The following TTC21B variants were observed in gnomAD, a reference collection of about 807,000 sequenced individuals.
TTC21B encodes tetratricopeptide repeat protein 21B.
A neutral mutation model predicts 175.1 loss-of-function variants in TTC21B; 127 were observed. The ratio of observed to expected loss-of-function variants is 0.73; its 90% CI spans 0.63 to 0.84. The LOEUF (loss-of-function observed/expected upper bound fraction) is 0.84, where lower values mean the gene tolerates loss of function less well. TTC21B is among the 40% of genes least tolerant of loss of function. TTC21B has a pLI of 0.00. For synonymous variants in TTC21B, 524 were observed against 524.5 expected, an observed-to-expected ratio of 1.00 and a Z score of 0.01; for missense variants, 1,561 against 1,558.3, an observed-to-expected ratio of 1.00 and a Z score of -0.03.
At position 165,931,969 on chromosome 2, in the gene TTC21B, C is replaced by T; in HGVS notation, c.796-113G>A. On this transcript the variant is annotated intron_variant, in intron 7 of 28. Coordinates refer to ENST00000243344, the MANE Select transcript of TTC21B (RefSeq NM_024753.5). Reference sequence around the variant, plus strand: ...CTACTAGTATTTTAAAAGACCTTTGCTTTTATAAATTCCTCCTCCTTCAAT... The same window carrying T: ...CTACTAGTATTTTAAAAGACCTTTGTTTTTATAAATTCCTCCTCCTTCAAT... 4.1e-6 allele frequency: 3 copies of T among 732,880 alleles called. No homozygotes were observed. The Admixed American group carries it at 6.5e-5, about 16-fold the overall frequency. The allele number at this position is 732,880 out of a possible 1,614,324, so 45.4% of individuals were successfully genotyped here. A position where few individuals can be genotyped will look rare whatever the true frequency, so the allele number is the denominator to read the frequency against.
intron 17 of TTC21B, 143 bp downstream of exon 17, chr2:165,912,371 C>A (rs937917377): frequency 8.3e-6 from 6 of 718,780 alleles, no homozygotes; most frequent in African/African-American, 3.5e-5. Flanking sequence ...TCTAAGAAGG[C>A]CTTTAACACA....
chr2:165,888,343 G>A lies in TTC21B; in HGVS notation c.3395C>T (p.Ala1132Val). Residue 1132 changes from alanine to valine, a missense_variant, in exon 25 of 29, where the codon GCT (alanine) becomes GTT (valine). Coordinates refer to ENST00000243344, the MANE Select transcript of TTC21B (RefSeq NM_024753.5). Reference sequence around the variant, plus strand: ...TTCAACATTAGATTTCTGTTTGGTAGCCATTAAGCAATAGTTTTCCATTAT... The same window carrying A: ...TTCAACATTAGATTTCTGTTTGGTAACCATTAAGCAATAGTTTTCCATTAT... ...LRIMENYCLM[A>V]TKQKSNVEQA... 6.2e-7 allele frequency: 1 copy of A among 1,613,824 alleles called. No homozygotes were observed. Among genetic ancestry groups the A allele is most frequent in the Non-Finnish European group, 8.5e-7 (1 of 1,179,802 alleles).
chr2:165,928,023 G>T (rs917260266), intron 11 of TTC21B, among the ~76,000 whole-genome samples: 1 of 152,182 alleles, frequency 6.6e-6, no homozygotes, highest in African/African-American at 2.4e-5. Context: ...TGTAATAAGA[G>T]TGCTGACTAA....
chr2:165,884,030 C>CA lies in TTC21B; in HGVS notation c.3460-13dup. ...GGGATATGCTCCTTCTATAAGAAAA[C>CA]AAAATTTTAGACCATAAGATGCATA... On this transcript the variant is annotated splice_polypyrimidine_tract_variant and intron_variant, in intron 25 of 28. Coordinates refer to ENST00000243344, the MANE Select transcript of TTC21B (RefSeq NM_024753.5). 1 of 1,611,354 alleles carries CA rather than the reference C, an allele frequency of 6.2e-7. No homozygotes were observed. Among genetic ancestry groups the CA allele is most frequent in the South Asian group, 1.1e-5 (1 of 90,976 alleles).
chr2:165,898,587 A>T (rs1212153503), intron 22 of TTC21B, 99 bp downstream of exon 22: 1 of 795,188 alleles, frequency 1.3e-6, no homozygotes, highest in East Asian at 2.5e-5. Context: ...TGATTCAACT[A>T]GGGACGGAGT....
chr2:165,949,129 A>G, intron 3 of TTC21B: 1 of 450,660 alleles, frequency 2.2e-6, no homozygotes, highest in South Asian at 2.5e-5. Flanking sequence ...ACAATTACTA[A>G]TATACATTCC....
In TTC21B at chr2:165,888,344, C is replaced by T; in HGVS notation, c.3394G>A (p.Ala1132Thr). 1 of 1,613,866 alleles carries T rather than the reference C, an allele frequency of 6.2e-7. No individual in the cohort carries two copies. Among genetic ancestry groups the T allele is most frequent in the East Asian group, 2.2e-5 (1 of 44,820 alleles). The change falls in exon 25 of 29, where the codon GCT becomes ACT. Residue 1132 changes from alanine (A) to threonine (T), a missense_variant. Ala to Thr is a moderately conservative substitution (Grantham distance 58). Transcript: ENST00000243344. ...LRIMENYCLM[A>T]TKQKSNVEQA... ...TCAACATTAGATTTCTGTTTGGTAG[C>T]CATTAAGCAATAGTTTTCCATTATG... is the stretch of plus-strand genomic sequence containing the variant.
rs143906364 is a variant in TTC21B at position 165,876,654 on chromosome 2, T to C, written c.3806-422A>G. Reference sequence around the variant, plus strand: ...GATGCCTACAGTTATGAGGTTTGCATTCTATTAGGAGAAAAAGTACATTTT... The same window carrying C: ...GATGCCTACAGTTATGAGGTTTGCACTCTATTAGGAGAAAAAGTACATTTT... On this transcript the variant is annotated intron_variant, in intron 27 of 28. Coordinates refer to ENST00000243344, the MANE Select transcript of TTC21B (RefSeq NM_024753.5). Among the ~76,000 whole-genome samples the C allele has an allele frequency of 7.4e-3, 1,128 of 152,354 alleles. 10 individuals are homozygous for C. Among genetic ancestry groups the C allele is most frequent in the Admixed American group, 0.011 (172 of 15,304 alleles).
At chr2:165,897,185 T>A (rs1685396854) in intron 22 of TTC21B, among the ~76,000 whole-genome samples, 1 of 152,192 alleles carries the variant, frequency 6.6e-6, no homozygotes, top group Non-Finnish European at 1.5e-5. Context: ...TAGCCTAGAA[T>A]TTTCAGGGGT....
intron 28 of TTC21B, among the ~76,000 whole-genome samples, chr2:165,875,814 CTTT>C (rs398060734): frequency 1.0e-3 from 145 of 144,460 alleles, no homozygotes; most frequent in African/African-American, 3.5e-3. Context: ...TGGTCTTTGT[CTTT>C]TTTTTTTTTT....
At position 165,945,539 on chromosome 2, in the gene TTC21B, T is replaced by A. The variant is rs1391461946; in HGVS notation, c.414A>T (p.Ser138=). The A allele has an allele frequency of 6.2e-7, 1 of 1,613,460 alleles. No individual in the cohort carries two copies. The highest frequency in any genetic ancestry group is 8.5e-7 in the Non-Finnish European group (1 of 1,179,874). ...REYIDRMIKI[S]DGSKQGHVLK... is the part of the protein sequence containing the mutation. ...AAATAGCTACCTGTTTACTACCATC[T>A]GATATTTTGATCATTCTGTCAATAT... The change falls in exon 4 of 29, where the codon TCA becomes TCT. Residue 138 remains serine (S), a synonymous_variant. Coordinates refer to ENST00000243344, the MANE Select transcript of TTC21B (RefSeq NM_024753.5).
intron 6 of TTC21B, among the ~76,000 whole-genome samples, chr2:165,938,161 C>T (rs560102661): frequency 6.6e-6 from 1 of 151,952 alleles, no homozygotes; most frequent in East Asian, 1.9e-4. Flanking sequence ...AAACCTGAGC[C>T]ACTAATCAAT....
At position 165,941,077 on chromosome 2, in the gene TTC21B, T is replaced by C; in HGVS notation, c.660A>G (p.Lys220=). The part of the protein sequence containing the change: ...SFLPAFVKKM[K]LQLALQDWDQ... ...CCCAATCCTGCAAGGCTAGTTGTAA[T>C]TTCATTTTCTTAACAAAAGCAGGAA... The change falls in exon 6 of 29, where the codon AAA becomes AAG. Residue 220 remains lysine (K), a synonymous_variant. Coordinates refer to ENST00000243344, the MANE Select transcript of TTC21B (RefSeq NM_024753.5). The C allele has an allele frequency of 6.2e-7, 1 of 1,613,960 alleles. No individual in the cohort carries two copies. The highest frequency in any genetic ancestry group is 8.5e-7 in the Non-Finnish European group (1 of 1,179,874).
At position 165,933,072 on chromosome 2, in the gene TTC21B, TTTAG is replaced by T. The variant is rs1210907023; in HGVS notation, c.711-19_711-16del. ...GGAGCAGCAACCTGCAGGAAAACAA[TTTAG>T]TTAATGTCAAAATAAATTTATATAT... On this transcript the variant is annotated splice_polypyrimidine_tract_variant and intron_variant, in intron 6 of 28. Coordinates refer to ENST00000243344, the MANE Select transcript of TTC21B (RefSeq NM_024753.5). The T allele has an allele frequency of 1.9e-6, 3 of 1,608,238 alleles. No homozygotes were observed. The highest frequency in any genetic ancestry group is 2.6e-6 in the Non-Finnish European group (3 of 1,176,328).
chr2:165,901,593 G>C (rs987588098), intron 20 of TTC21B, 129 bp downstream of exon 20: 1 of 885,690 alleles, frequency 1.1e-6, no homozygotes, highest in Non-Finnish European at 1.8e-6. Flanking sequence ...AAAGGGCTGG[G>C]ATTATAGGCA....
In TTC21B at chr2:165,883,842, T is replaced by C; in HGVS notation, c.3636A>G (p.Lys1212=). 6.2e-7 allele frequency: 1 copy of C among 1,614,104 alleles called. No individual in the cohort carries two copies. The highest frequency in any genetic ancestry group is 2.2e-5 in the East Asian group (1 of 44,860). The change falls in exon 26 of 29, where the codon AAA becomes AAG. Residue 1212 remains lysine (K), a synonymous_variant. Transcript: ENST00000243344. ...LLADIYIQSA[K]YDMAEDLLKR... ...TTAACAGGTCTTCTGCCATGTCATA[T>C]TTTGCTGATTGAATGTAAATATCAG...
At chr2:165,908,671 G>A (rs1009435099) in intron 18 of TTC21B, among the ~76,000 whole-genome samples, 1 of 152,094 alleles carries the variant, frequency 6.6e-6, no homozygotes, top group African/African-American at 2.4e-5. Context: ...GAGTCCTGAT[G>A]AGATAATGTA....
chr2:165,934,077 G>A (rs1687015786), intron 6 of TTC21B: 3 of 152,110 alleles, frequency 2.0e-5, no homozygotes, highest in African/African-American at 7.2e-5. Context: ...CCACAAAAAT[G>A]TGAGTAAAGA....
At chr2:165,889,196 T>C (rs1470550576) in intron 24 of TTC21B, among the ~76,000 whole-genome samples, 1 of 152,210 alleles carries the variant, frequency 6.6e-6, no homozygotes, top group African/African-American at 2.4e-5. Context: ...CTAAAGCCAC[T>C]GGTCTTCTTC....
Sources: gnomAD v4.1 joint callset for allele counts (sites outside exome capture counted in the v4.1 genomes callset) on GRCh38, gnomAD v4.1.1 for gene constraint, MANE v1.5 for transcripts, NCBI Gene and HGNC (gene_info 2026-07-23, HGNC 2026-07-21) for gene names.